DDX10: variants seen among roughly 807,000 people sequenced by gnomAD.
The protein encoded by DDX10 is DEAD-box helicase 10, also known as probable ATP-dependent RNA helicase DDX10.
A neutral mutation model predicts 104.3 loss-of-function variants in DDX10; 74 were observed. That is an observed-to-expected ratio of 0.71 (90% confidence interval 0.59 to 0.86). The LOEUF (loss-of-function observed/expected upper bound fraction) is 0.86. DDX10 is among the 40% of genes least tolerant of loss of function. The pLI is 0.00. For missense variants in DDX10, 952 were observed against 1,040.0 expected, an observed-to-expected ratio of 0.92 and a Z score of 1.16; for synonymous variants, 351 against 353.4, an observed-to-expected ratio of 0.99 and a Z score of 0.08.
At chr11:108,721,345 A>C (rs1023845329) in intron 12 of DDX10, among the ~76,000 whole-genome samples, 1 of 152,172 alleles carries the variant, frequency 6.6e-6, no homozygotes, top group Non-Finnish European at 1.5e-5. Flanking sequence ...ATGTTTAAAT[A>C]CCAGTTCCTA....
intron 13 of DDX10, among the ~76,000 whole-genome samples, chr11:108,788,044 T>G (rs1861819337): frequency 6.6e-6 from 1 of 152,254 alleles, no homozygotes; most frequent in Non-Finnish European, 1.5e-5. Context: ...CTGGATTGTT[T>G]TACTGTATTC....
At chr11:108,891,535 A>G (rs759906814) in intron 16 of DDX10, among the ~76,000 whole-genome samples, 1 of 152,214 alleles carries the variant, frequency 6.6e-6, no homozygotes, top group Non-Finnish European at 1.5e-5. Flanking sequence ...GACTCTGTGG[A>G]TAACTTAGCC....
chr11:108,871,424 A>G (rs1863080531), intron 16 of DDX10, among the ~76,000 whole-genome samples: 1 of 152,164 alleles, frequency 6.6e-6, no homozygotes, highest in African/African-American at 2.4e-5. Flanking sequence ...AAAAATCTGA[A>G]TTATAATGTA....
intron 10 of DDX10, among the ~76,000 whole-genome samples, chr11:108,708,891 T>G (rs1456186363): frequency 2.0e-5 from 3 of 152,192 alleles, no homozygotes; most frequent in Non-Finnish European, 4.4e-5. Context: ...GATGTTCCCT[T>G]TTTCATTTGT....
chr11:108,733,779 G>A (rs1485632857), intron 13 of DDX10, among the ~76,000 whole-genome samples: 1 of 151,832 alleles, frequency 6.6e-6, no homozygotes, highest in East Asian at 1.9e-4. Context: ...CTTCATAATT[G>A]GTTCTCGTTG....
intron 13 of DDX10, among the ~76,000 whole-genome samples, chr11:108,761,437 C>G (rs1406743931): frequency 6.6e-6 from 1 of 152,068 alleles, no homozygotes; most frequent in South Asian, 2.1e-4. Context: ...TCAGGACTCT[C>G]TAAATGGCTT....
intron 13 of DDX10, among the ~76,000 whole-genome samples, chr11:108,789,580 T>G (rs1861843125): frequency 6.6e-6 from 1 of 152,234 alleles, no homozygotes; most frequent in African/African-American, 2.4e-5. Context: ...AGTGACATCA[T>G]TCTTGTCTGG....
intron 15 of DDX10, among the ~76,000 whole-genome samples, chr11:108,850,900 T>C (rs1056969321): frequency 2.0e-5 from 3 of 152,174 alleles, no homozygotes; most frequent in East Asian, 1.9e-4. Flanking sequence ...TTTTCATCTA[T>C]AGAATGGGAA....
At position 108,762,388 on chromosome 11, in the gene DDX10, C is replaced by T. The variant is rs556062056; in HGVS notation, c.1965+38926C>T. 7.2e-5 allele frequency among the ~76,000 whole-genome samples: 11 copies of T among 152,220 alleles called. No individual in the cohort carries two copies. The South Asian group carries it at 2.3e-3, about 32-fold the overall frequency. On this transcript the variant is annotated intron_variant, in intron 13 of 17. Coordinates refer to ENST00000322536, the MANE Select transcript of DDX10 (RefSeq NM_004398.4). The stretch of plus-strand genomic sequence containing the variant: ...TGGCTTATGAAAACAAAGCACACAC[C>T]AGGGACTACAGGATAATAAATAAAT...
chr11:108,840,625 T>A (rs1862624254), intron 14 of DDX10, among the ~76,000 whole-genome samples: 1 of 152,176 alleles, frequency 6.6e-6, no homozygotes, highest in African/African-American at 2.4e-5. Flanking sequence ...GGTCACCTTG[T>A]TCCTTACCCT....
At chr11:108,731,284 C>G (rs553408044) in intron 13 of DDX10, among the ~76,000 whole-genome samples, 16 of 152,240 alleles carry the variant, frequency 1.1e-4, no homozygotes, top group African/African-American at 3.9e-4. Flanking sequence ...CTCCTGACCT[C>G]AGGTCATCCA....
intron 13 of DDX10, among the ~76,000 whole-genome samples, chr11:108,779,325 G>A (rs1482261951): frequency 2.0e-5 from 3 of 152,136 alleles, no homozygotes; most frequent in Middle Eastern, 3.2e-3. Flanking sequence ...AAGAAAATGT[G>A]GCACATATAC....
chr11:108,684,192 A>AT (rs71050880), intron 6 of DDX10, among the ~76,000 whole-genome samples: 20 of 31,924 alleles, frequency 6.3e-4, no homozygotes, highest in South Asian at 3.2e-3. Flanking sequence ...TTTTTTTTTA[A>AT]TTTTTTTTTT....
intron 13 of DDX10, among the ~76,000 whole-genome samples, chr11:108,785,375 GC>G (rs1053509270): frequency 1.3e-4 from 19 of 151,764 alleles, no homozygotes; most frequent in African/African-American, 4.6e-4. Flanking sequence ...AGAAATATTG[GC>G]CCGAAGCTTT....
At chr11:108,727,232 C>T (rs560993691) in intron 13 of DDX10, among the ~76,000 whole-genome samples, 4 of 151,988 alleles carry the variant, frequency 2.6e-5, no homozygotes, top group Admixed American at 6.5e-5. Context: ...GCCCTACTAG[C>T]GTCTGTATTG....
intron 16 of DDX10, among the ~76,000 whole-genome samples, chr11:108,858,055 A>T (rs2553767): frequency 0.25 from 38,691 of 152,166 alleles, 5,713 homozygotes; most frequent in African/African-American, 0.39. Context: ...ACAAATGAAA[A>T]ATTAGGAAAC....
intron 13 of DDX10, among the ~76,000 whole-genome samples, chr11:108,834,883 G>C (rs890807869): frequency 8.0e-6 from 1 of 124,890 alleles, no homozygotes; most frequent in African/African-American, 2.9e-5. Flanking sequence ...AGCCGAGATC[G>C]CGCCACTGCA....
intron 10 of DDX10, among the ~76,000 whole-genome samples, chr11:108,712,341 C>T (rs901052704): frequency 6.6e-6 from 1 of 152,136 alleles, no homozygotes; most frequent in Non-Finnish European, 1.5e-5. Flanking sequence ...GTATTCGTTA[C>T]TGTTTTTTGT....
chr11:108,907,411 C>T (rs1863611962), intron 16 of DDX10, among the ~76,000 whole-genome samples: 1 of 151,674 alleles, frequency 6.6e-6, no homozygotes, highest in Non-Finnish European at 1.5e-5. Context: ...TCTCAGCTCA[C>T]TGCAACCTCC....
Sources: allele counts gnomAD v4.1 joint callset (sites outside exome capture counted in the v4.1 genomes callset), GRCh38; gene constraint gnomAD v4.1.1; transcripts MANE v1.5; gene names NCBI Gene and HGNC (gene_info 2026-07-23, HGNC 2026-07-21).